CKAP5: variants seen among roughly 807,000 people sequenced by gnomAD.
CKAP5 encodes cytoskeleton associated protein 5.
A neutral mutation model predicts 232.8 loss-of-function variants in CKAP5; 27 were observed. The ratio of observed to expected loss-of-function variants is 0.12; its 90% CI spans 0.09 to 0.16. The LOEUF (loss-of-function observed/expected upper bound fraction) is 0.16. CKAP5 is among the 10% of genes least tolerant of loss of function. CKAP5 has a pLI of 1.00. For synonymous variants in CKAP5, 785 were observed against 841.1 expected (o/e 0.93, Z 1.16); for missense variants, 1,838 against 2,424.7 (o/e 0.76, Z 5.08).
At chr11:46,762,597 T>A (rs545793466) in intron 31 of CKAP5, 30 bp downstream of exon 31, 11 of 1,612,046 alleles carry the variant, frequency 6.8e-6, no homozygotes, top group Non-Finnish European at 9.3e-6. Flanking sequence ...CTGCAGAGAT[T>A]CACATCTCAG....
chr11:46,831,877 T>TG (rs1215751708), intron 1 of CKAP5, among the ~76,000 whole-genome samples: 2 of 150,584 alleles, frequency 1.3e-5, no homozygotes, highest in African/African-American at 4.9e-5. Flanking sequence ...TTTTTTTTTT[T>TG]TTTCTGAGAC....
intron 1 of CKAP5, among the ~76,000 whole-genome samples, chr11:46,822,788 T>C (rs1327306954): frequency 4.1e-5 from 6 of 148,108 alleles, no homozygotes; most frequent in Admixed American, 2.0e-4. Flanking sequence ...AGAATCAATA[T>C]GTAAAAATGT....
chr11:46,754,543 A>G (rs4500447), intron 36 of CKAP5, among the ~76,000 whole-genome samples: 22,525 of 152,174 alleles, frequency 0.15, 2,540 homozygotes, highest in African/African-American at 0.32. Context: ...TGGTATTTCA[A>G]CACATGTATA....
Position 46,744,148 on chromosome 11 carries a change from G to A in CKAP5, c.5974C>T (p.His1992Tyr). ...LSQLRESREQ[H>Y]QHSDLDSNQT... The stretch of plus-strand genomic sequence containing the variant: ...TTAGAATCCAGGTCTGAATGCTGGT[G>A]CTGCTCCCGTGACTCCCGGAGCTGA... Residue 1992 changes from histidine (H) to tyrosine (Y), a missense_variant, in exon 44 of 44, where the codon CAC becomes TAC. His to Tyr is a moderately conservative substitution (Grantham distance 83). Coordinates refer to ENST00000529230, the MANE Select transcript of CKAP5 (RefSeq NM_001008938.4). 1 of 1,614,172 alleles carries A rather than the reference G, an allele frequency of 6.2e-7. No homozygotes were observed. The highest frequency in any genetic ancestry group is 1.1e-5 in the South Asian group (1 of 91,080).
At chr11:46,787,265 G>C (rs1011502530) in intron 16 of CKAP5, among the ~76,000 whole-genome samples, 4 of 152,198 alleles carry the variant, frequency 2.6e-5, no homozygotes, top group Non-Finnish European at 5.9e-5. Flanking sequence ...GTAACACAAT[G>C]TAAGGGACAC....
chr11:46,761,055 C>A (rs566311006), intron 32 of CKAP5, among the ~76,000 whole-genome samples: 1 of 152,124 alleles, frequency 6.6e-6, no homozygotes, highest in South Asian at 2.1e-4. Context: ...TTGACACCAG[C>A]TTGGGCAACA....
At chr11:46,778,088 C>T in intron 22 of CKAP5, 51 bp downstream of exon 22, 1 of 1,490,556 alleles carries the variant, frequency 6.7e-7, no homozygotes, top group Non-Finnish European at 9.2e-7. Context: ...AAGGTAACTC[C>T]TGCAGCAGTG....
chr11:46,776,452 G>T, intron 23 of CKAP5, 69 bp from the exon 24 acceptor site: 2 of 1,334,598 alleles, frequency 1.5e-6, no homozygotes, highest in Non-Finnish European at 2.0e-6. Flanking sequence ...GATCACTGTT[G>T]CTTTATGAAC....
At chr11:46,846,151 G>C (rs1201814787) in intron 1 of CKAP5, 69 bp downstream of exon 1, 1 of 152,192 alleles carries the variant, frequency 6.6e-6, no homozygotes, top group Non-Finnish European at 1.5e-5. Flanking sequence ...AGGATTCAGG[G>C]GCTCCTCTGC....
At chr11:46,798,792 G>C (rs1420019794) in intron 9 of CKAP5, among the ~76,000 whole-genome samples, 4 of 152,254 alleles carry the variant, frequency 2.6e-5, no homozygotes, top group Non-Finnish European at 4.4e-5. Context: ...ATGTAACATT[G>C]TGAATATTCT....
intron 22 of CKAP5, among the ~76,000 whole-genome samples, chr11:46,777,877 G>A (rs929637581): frequency 3.9e-5 from 6 of 152,174 alleles, no homozygotes; most frequent in Non-Finnish European, 8.8e-5. Context: ...ATGTTTACAT[G>A]TATTACAAGC....
At chr11:46,746,066 C>T (rs1380451553) in intron 42 of CKAP5, among the ~76,000 whole-genome samples, 2 of 152,112 alleles carry the variant, frequency 1.3e-5, no homozygotes, top group Non-Finnish European at 2.9e-5. Context: ...GAAGCTTCAG[C>T]CCAGCAAGAT....
At chr11:46,790,697 C>CA (rs1938699399) in intron 13 of CKAP5, 114 bp from the exon 14 acceptor site, 1 of 685,170 alleles carries the variant, frequency 1.5e-6, no homozygotes, top group Non-Finnish European at 2.4e-6. Context: ...GCCTGGAATG[C>CA]AGCTGCACAA....
chr11:46,839,625 T>A (rs1445933486), intron 1 of CKAP5, among the ~76,000 whole-genome samples: 2 of 152,302 alleles, frequency 1.3e-5, no homozygotes, highest in South Asian at 2.1e-4. Context: ...AGTACTTTTT[T>A]AAAAGGGGCT....
In CKAP5 at chr11:46,770,104, G is replaced by A. The variant is rs761759655; in HGVS notation, c.3187-6C>T. On this transcript the variant is annotated splice_polypyrimidine_tract_variant and splice_region_variant and intron_variant, in intron 25 of 43. Transcript: ENST00000529230. The stretch of plus-strand genomic sequence containing the variant: ...ACCTGATCTTTAGAAGTTGGCTAGA[G>A]AGACAAAATGACATAAAAAGTGAGA... 1.9e-6 allele frequency: 3 copies of A among 1,613,512 alleles called. No individual in the cohort carries two copies. The highest frequency in any genetic ancestry group is 4.5e-5 in the East Asian group (2 of 44,870).
intron 38 of CKAP5, 49 bp from the exon 39 acceptor site, chr11:46,751,583 A>T: frequency 6.8e-7 from 1 of 1,462,204 alleles, no homozygotes; most frequent in African/African-American, 1.4e-5. Context: ...GAATGAGGAT[A>T]ATTTGTCACC....
chr11:46,810,760 A>G (rs1939256282), intron 5 of CKAP5, among the ~76,000 whole-genome samples: 1 of 152,202 alleles, frequency 6.6e-6, no homozygotes, highest in South Asian at 2.1e-4. Context: ...ATTCAGATAC[A>G]TTTACATCAT....
At chr11:46,771,411 TG>T (rs1301992374) in intron 24 of CKAP5, among the ~76,000 whole-genome samples, 2 of 152,222 alleles carry the variant, frequency 1.3e-5, no homozygotes, top group African/African-American at 4.8e-5. Context: ...AGTTCATATT[TG>T]TATTTTTCAT....
chr11:46,750,721 G>A (rs747416849), intron 40 of CKAP5, 110 bp from the exon 41 acceptor site: 45 of 806,262 alleles, frequency 5.6e-5, no homozygotes, highest in Non-Finnish European at 7.8e-5. Context: ...TTATTGGTAT[G>A]TTCCTACAGA....
Sources: allele counts gnomAD v4.1 joint callset (sites outside exome capture counted in the v4.1 genomes callset), GRCh38; gene constraint gnomAD v4.1.1; transcripts MANE v1.5; gene names NCBI Gene and HGNC (gene_info 2026-07-23, HGNC 2026-07-21).